ZBTB7C: variants seen among roughly 807,000 people sequenced by gnomAD.
ZBTB7C encodes zinc finger and BTB domain-containing protein 7C.
A neutral mutation model predicts 25.7 loss-of-function variants in ZBTB7C; 8 were observed. The observed-to-expected ratio is 0.31, with a 90% CI of 0.18 to 0.56. The LOEUF (loss-of-function observed/expected upper bound fraction) is 0.56, where lower values mean the gene tolerates loss of function less well. Among genes scored for constraint, ZBTB7C ranks in the 20% least tolerant of loss-of-function variants. The probability of loss-of-function intolerance (pLI) is 0.91; values close to 1 mark genes in which losing one functional copy is unlikely to be tolerated. For missense variants in ZBTB7C, 824 were observed against 855.2 expected, an observed-to-expected ratio of 0.96 and a Z score of 0.46; for synonymous variants, 394 against 369.0, an observed-to-expected ratio of 1.07 and a Z score of -0.78.
intron 2 of ZBTB7C, among the ~76,000 whole-genome samples, chr18:48,191,647 G>C (rs1176729242): frequency 6.6e-6 from 1 of 152,186 alleles, no homozygotes; most frequent in Non-Finnish European, 1.5e-5. Flanking sequence ...TACTTCTGGG[G>C]CTAGTGGGAG....
intron 3 of ZBTB7C, among the ~76,000 whole-genome samples, chr18:48,159,631 T>G (rs756139960): frequency 1.3e-5 from 2 of 152,272 alleles, no homozygotes. Flanking sequence ...GTGAGGTTCC[T>G]GAACTTCTAC....
chr18:48,056,920 ACAAAAT>A (rs767033971), intron 3 of ZBTB7C, among the ~76,000 whole-genome samples: 15 of 152,058 alleles, frequency 9.9e-5, no homozygotes, highest in Admixed American at 1.3e-4. Flanking sequence ...AAATTCCATA[ACAAAAT>A]CAAGACACAA....
chr18:48,241,991 C>T (rs2043543826), intron 2 of ZBTB7C, among the ~76,000 whole-genome samples: 1 of 151,952 alleles, frequency 6.6e-6, no homozygotes, highest in Non-Finnish European at 1.5e-5. Context: ...TCCAAATAAG[C>T]TCAATTAGAA....
At chr18:48,050,276 T>C (rs1055645957) in intron 3 of ZBTB7C, among the ~76,000 whole-genome samples, 25 of 152,004 alleles carry the variant, frequency 1.6e-4, no homozygotes, top group Admixed American at 5.2e-4. Context: ...CCAAGCAAGG[T>C]GGTCACACCC....
intron 3 of ZBTB7C, among the ~76,000 whole-genome samples, chr18:48,051,054 G>T (rs1385378931): frequency 1.3e-5 from 2 of 152,046 alleles, no homozygotes; most frequent in Non-Finnish European, 2.9e-5. Context: ...CCTAGGCTCT[G>T]CCCCCTGTAT....
At chr18:48,224,060 T>C (rs576187289) in intron 2 of ZBTB7C, among the ~76,000 whole-genome samples, 1 of 152,318 alleles carries the variant, frequency 6.6e-6, no homozygotes, top group East Asian at 1.9e-4. Flanking sequence ...CCCAGATGAC[T>C]GTAGATATTT....
chr18:48,214,635 T>G (rs1488531492), intron 2 of ZBTB7C, among the ~76,000 whole-genome samples: 1 of 152,222 alleles, frequency 6.6e-6, no homozygotes, highest in Admixed American at 6.5e-5. Flanking sequence ...GTAGCAACCC[T>G]TTTATTCCTT....
At chr18:48,227,706 C>T (rs2043140525) in intron 2 of ZBTB7C, among the ~76,000 whole-genome samples, 1 of 152,198 alleles carries the variant, frequency 6.6e-6, no homozygotes, top group African/African-American at 2.4e-5. Flanking sequence ...TGCCTTACCA[C>T]AAAAATTTTC....
intron 1 of ZBTB7C, among the ~76,000 whole-genome samples, chr18:48,341,633 TA>T (rs2046603174): frequency 6.6e-6 from 1 of 152,194 alleles, no homozygotes; most frequent in African/African-American, 2.4e-5. Flanking sequence ...GGAGCTGTTG[TA>T]AAAGAAAGGA....
rs373477532 is a variant in ZBTB7C, at chr18:48,203,997, T to C, written c.-78-18002A>G. Among the ~76,000 whole-genome samples the C allele has an allele frequency of 3.1e-4, 47 of 152,346 alleles. No homozygotes were observed. The East Asian group carries it at 5.4e-3, about 18-fold the overall frequency. On this transcript the variant is annotated intron_variant, in intron 2 of 4. Coordinates refer to ENST00000590800, the MANE Select transcript of ZBTB7C (RefSeq NM_001318841.2). ...ACCATTCTGCATGAGTCCCTGATCC[T>C]GAACCAGGTGGCCCACACATCAGCT...
At chr18:48,095,484 G>T (rs896502947) in intron 3 of ZBTB7C, among the ~76,000 whole-genome samples, 5 of 152,128 alleles carry the variant, frequency 3.3e-5, no homozygotes, top group African/African-American at 9.7e-5. Flanking sequence ...GGCCGAGGCA[G>T]GTTGATCACC....
chr18:48,378,568 C>G (rs971192372), intron 1 of ZBTB7C, among the ~76,000 whole-genome samples: 5 of 152,104 alleles, frequency 3.3e-5, no homozygotes, highest in Non-Finnish European at 5.9e-5. Flanking sequence ...TACCTGCACT[C>G]GGAGATTTTT....
chr18:48,310,843 C>T (rs1209821256), intron 2 of ZBTB7C, among the ~76,000 whole-genome samples: 1 of 152,208 alleles, frequency 6.6e-6, no homozygotes, highest in Non-Finnish European at 1.5e-5. Context: ...ACCTATCAAC[C>T]CACTTGTCCT....
chr18:48,244,177 A>G (rs139659053), intron 2 of ZBTB7C, among the ~76,000 whole-genome samples: 286 of 152,298 alleles, frequency 1.9e-3, no homozygotes, highest in African/African-American at 6.6e-3. Flanking sequence ...AAATAGAAGG[A>G]GGCCAAGGTG....
chr18:48,054,691 A>G (rs1049615981), intron 3 of ZBTB7C, among the ~76,000 whole-genome samples: 14 of 152,204 alleles, frequency 9.2e-5, no homozygotes, highest in African/African-American at 3.4e-4. Context: ...TGGCTGGGAA[A>G]GAACAAACTG....
intron 1 of ZBTB7C, among the ~76,000 whole-genome samples, chr18:48,389,223 TC>T (rs1568418180): frequency 2.4e-5 from 3 of 125,664 alleles, no homozygotes; most frequent in African/African-American, 9.5e-5. Context: ...TCTCTCTCTC[TC>T]TCTCTCTCTC....
At chr18:48,411,418 G>A (rs1273116866), upstream of ZBTB7C, among the ~76,000 whole-genome samples, 1 of 152,182 alleles carries the variant, frequency 6.6e-6, no homozygotes, top group Middle Eastern at 3.2e-3. Flanking sequence ...AATATATCTC[G>A]CTTTCAGCAG....
At chr18:48,155,318 C>CTTTTTTTT (rs578058729) in intron 3 of ZBTB7C, among the ~76,000 whole-genome samples, 2 of 78,006 alleles carry the variant, frequency 2.6e-5, no homozygotes, top group Non-Finnish European at 4.7e-5. Flanking sequence ...CTGTAATATT[C>CTTTTTTTT]TTTTTTTTTT....
intron 3 of ZBTB7C, among the ~76,000 whole-genome samples, chr18:48,059,316 T>A (rs1012252045): frequency 2.4e-4 from 37 of 152,098 alleles, no homozygotes; most frequent in African/African-American, 8.0e-4. Flanking sequence ...AGCAGGAGAA[T>A]ACACAGTGAT....
Sources: allele counts gnomAD v4.1 joint callset (sites outside exome capture counted in the v4.1 genomes callset), GRCh38; gene constraint gnomAD v4.1.1; transcripts MANE v1.5; gene names NCBI Gene and HGNC (gene_info 2026-07-23, HGNC 2026-07-21).